SNX13: variants seen among roughly 807,000 people sequenced by gnomAD.
SNX13 encodes the protein sorting nexin-13.
In SNX13, 45 loss-of-function variants were observed where a neutral mutation model predicts 133.6. The ratio of observed to expected loss-of-function variants is 0.34; its 90% CI spans 0.27 to 0.43. SNX13 has a LOEUF of 0.43. Ranked by LOEUF, SNX13 falls within the 20% of genes least tolerant of loss-of-function variation. The pLI is 1.00. For synonymous variants in SNX13, 414 were observed against 373.9 expected (o/e 1.11, Z -1.24); for missense variants, 1,032 against 1,145.1 (o/e 0.90, Z 1.43).
At chr7:17,933,890 A>C (rs978877306) in intron 1 of SNX13, among the ~76,000 whole-genome samples, 1 of 152,182 alleles carries the variant, frequency 6.6e-6, no homozygotes, top group Non-Finnish European at 1.5e-5. Context: ...TATGATCTTC[A>C]TAACAATGTA....
At chr7:17,838,150 T>C (rs1249819309) in intron 13 of SNX13, among the ~76,000 whole-genome samples, 1 of 152,054 alleles carries the variant, frequency 6.6e-6, no homozygotes, top group African/African-American at 2.4e-5. Flanking sequence ...ATTTTTTCTA[T>C]AGCTAGCAAG....
intron 24 of SNX13, among the ~76,000 whole-genome samples, chr7:17,797,668 C>T (rs1223169031): frequency 6.6e-6 from 1 of 151,756 alleles, no homozygotes; most frequent in Non-Finnish European, 1.5e-5. Flanking sequence ...ACTCCCTGGA[C>T]ATGGGATCTA....
intron 2 of SNX13, 34 bp from the exon 3 acceptor site, chr7:17,893,468 C>T: frequency 7.7e-7 from 1 of 1,301,082 alleles, no homozygotes; most frequent in Non-Finnish European, 1.1e-6. Flanking sequence ...AATATAAAAA[C>T]AAAATTTCCT....
chr7:17,919,230 C>A (rs1478379972), intron 1 of SNX13, among the ~76,000 whole-genome samples: 3 of 152,122 alleles, frequency 2.0e-5, no homozygotes, highest in African/African-American at 7.2e-5. Context: ...ACATTTATCC[C>A]CTGAACTTAA....
intron 9 of SNX13, among the ~76,000 whole-genome samples, chr7:17,861,491 G>A (rs904601635): frequency 2.0e-5 from 3 of 151,968 alleles, no homozygotes; most frequent in Non-Finnish European, 2.9e-5. Flanking sequence ...ACCAGAAAGT[G>A]GCAATTTCCC....
chr7:17,804,088 A>G lies in SNX13; in HGVS notation c.2065-508T>C, dbSNP rs138330706. Among the ~76,000 whole-genome samples the G allele has an allele frequency of 4.9e-4, 74 of 152,224 alleles. 1 individual carries two copies. The East Asian group carries it at 0.013, about 27-fold the overall frequency. ...ACAAAAAACAAAAGTATTTTCACAT[A>G]CATATATATGATTTGAAAATCTGCC... On this transcript the variant is annotated intron_variant, in intron 20 of 25. Coordinates refer to ENST00000428135, the MANE Select transcript of SNX13 (RefSeq NM_015132.5).
At position 17,793,727 on chromosome 7, in the gene SNX13, T is replaced by C. The variant is rs968303727; in HGVS notation, c.*318A>G. 2.0e-4 allele frequency: 49 copies of C among 240,278 alleles called. No homozygotes were observed. Among genetic ancestry groups the C allele is most frequent in the Non-Finnish European group, 3.3e-4 (41 of 122,602 alleles). The allele number at this position is 240,278 out of a possible 1,614,324, so 14.9% of individuals were successfully genotyped here. ...TTCCTTAGCTTTCATATATACACTC[T>C]GGCACTTTGTCATTGCTGGAGAATG... On this transcript the variant is annotated 3_prime_UTR_variant, in exon 26 of 26. Transcript: ENST00000428135.
At chr7:17,890,227 G>T in intron 5 of SNX13, 136 bp downstream of exon 5, 1 of 725,094 alleles carries the variant, frequency 1.4e-6, no homozygotes. Context: ...GTAAAATCTT[G>T]GAGTTATCCC....
At chr7:17,805,254 T>TGCGTGCGCGCGCGC (rs1554304326) in intron 20 of SNX13, among the ~76,000 whole-genome samples, 29 of 132,524 alleles carry the variant, frequency 2.2e-4, no homozygotes, top group Admixed American at 4.5e-4. Flanking sequence ...TGTGTGTGCG[T>TGCGTGCGCGCGCGC]GCGCGCGCGC....
At chr7:17,928,329 T>TA (rs752512373) in intron 1 of SNX13, among the ~76,000 whole-genome samples, 6 of 152,162 alleles carry the variant, frequency 3.9e-5, no homozygotes, top group Non-Finnish European at 7.4e-5. Context: ...ACCCCATCTC[T>TA]AAAAAAATAT....
At chr7:17,920,953 G>A (rs150745539) in intron 1 of SNX13, among the ~76,000 whole-genome samples, 113 of 152,258 alleles carry the variant, frequency 7.4e-4, no homozygotes, top group Admixed American at 1.2e-3. Flanking sequence ...GTGCAGCAGC[G>A]TGTACTCAGC....
At chr7:17,906,686 T>C (rs940982179) in intron 1 of SNX13, among the ~76,000 whole-genome samples, 8 of 152,170 alleles carry the variant, frequency 5.3e-5, no homozygotes, top group Non-Finnish European at 1.0e-4. Context: ...AACTGTAAGA[T>C]CTAATTGTTA....
intron 3 of SNX13, among the ~76,000 whole-genome samples, chr7:17,892,608 G>A (rs539149717): frequency 6.6e-6 from 1 of 151,978 alleles, no homozygotes; most frequent in African/African-American, 2.4e-5. Flanking sequence ...AAAAGTCAGT[G>A]GAATAGAGTG....
At chr7:17,884,530 T>A (rs1795758519) in intron 5 of SNX13, among the ~76,000 whole-genome samples, 1 of 152,236 alleles carries the variant, frequency 6.6e-6, no homozygotes, top group South Asian at 2.1e-4. Context: ...AACAAATTCT[T>A]ACTACCATGG....
chr7:17,886,971 CAAA>C (rs544070392), intron 5 of SNX13, among the ~76,000 whole-genome samples: 3 of 55,920 alleles, frequency 5.4e-5, no homozygotes, highest in Non-Finnish European at 3.8e-5. Flanking sequence ...CCTTGCTCTA[CAAA>C]AAAAAAAAAA....
chr7:17,884,785 G>A (rs2128369304), intron 5 of SNX13, among the ~76,000 whole-genome samples: 1 of 152,244 alleles, frequency 6.6e-6, no homozygotes, highest in East Asian at 1.9e-4. Context: ...GATATCACTA[G>A]CTATCAGGGA....
At chr7:17,815,594 A>T (rs926964249) in intron 19 of SNX13, among the ~76,000 whole-genome samples, 1 of 152,180 alleles carries the variant, frequency 6.6e-6, no homozygotes, top group Non-Finnish European at 1.5e-5. Context: ...CAAAACAAAC[A>T]AAACATTAAA....
chr7:17,814,984 C>CT (rs1786499899), intron 19 of SNX13, 40 bp from the exon 20 acceptor site: 1 of 1,339,338 alleles, frequency 7.5e-7, no homozygotes, highest in South Asian at 2.0e-5. Context: ...TTATCTTAAA[C>CT]TGACAGAATG....
chr7:17,840,518 C>T (rs536681061), intron 12 of SNX13, among the ~76,000 whole-genome samples: 3 of 151,898 alleles, frequency 2.0e-5, no homozygotes, highest in Non-Finnish European at 2.9e-5. Flanking sequence ...TGAACAAAAA[C>T]GATACAAACA....
Sources: allele counts gnomAD v4.1 joint callset (sites outside exome capture counted in the v4.1 genomes callset), GRCh38; gene constraint gnomAD v4.1.1; transcripts MANE v1.5; gene names NCBI Gene and HGNC (gene_info 2026-07-23, HGNC 2026-07-21).